Variants in SLC13A3 observed in about 807,000 individuals in gnomAD.
SLC13A3 encodes the protein Na(+)/dicarboxylate cotransporter 3.
SLC13A3 carries 40 observed loss-of-function variants against 59.0 expected under a neutral mutation model. The observed-to-expected ratio is 0.68, with a 90% CI of 0.53 to 0.88. The LOEUF is 0.88. Ranked by LOEUF, SLC13A3 falls within the 40% of genes least tolerant of loss-of-function variation. SLC13A3 has a pLI of 0.00. For synonymous variants in SLC13A3, 317 were observed against 330.3 expected (o/e 0.96, Z 0.44); for missense variants, 699 against 783.2 (o/e 0.89, Z 1.28).
At chr20:46,663,810 G>A (rs1297348279) in intron 1 of SLC13A3, among the ~76,000 whole-genome samples, 5 of 152,158 alleles carry the variant, frequency 3.3e-5, no homozygotes, top group African/African-American at 9.7e-5. Context: ...GTCCACATGC[G>A]TAACCAACCA....
rs761477917 is a variant in SLC13A3, at chr20:46,563,500, C to T, written c.1546G>A (p.Gly516Ser). 2.5e-6 allele frequency: 4 copies of T among 1,613,880 alleles called. No homozygotes were observed. The highest frequency in any genetic ancestry group is 3.4e-6 in the Non-Finnish European group (4 of 1,180,004). ...PLYLMIPGTV[G>S]CSFAFMLPVS... is the part of the protein sequence containing the mutation. ...GGGAGCATGAAGGCAAAGGAGCAGC[C>T]GACTGTGCCCGGAATCATCAGATAC... Residue 516 changes from glycine to serine, a missense_variant, in exon 12 of 13, where the codon GGC (glycine) becomes AGC (serine). Coordinates refer to ENST00000279027, the MANE Select transcript of SLC13A3 (RefSeq NM_022829.6).
At chr20:46,651,585 G>A (rs915974081), upstream of SLC13A3, 3 of 1,278,480 alleles carry the variant, frequency 2.3e-6, no homozygotes, top group East Asian at 9.5e-5. Context: ...CCTGGGACCG[G>A]GTGAAAGAGG....
At chr20:46,563,795 A>G (rs986455194) in intron 11 of SLC13A3, among the ~76,000 whole-genome samples, 2 of 152,176 alleles carry the variant, frequency 1.3e-5, no homozygotes, top group African/African-American at 4.8e-5. Flanking sequence ...AGAAACAGAG[A>G]CAAGCAGGTA....
upstream of SLC13A3, among the ~76,000 whole-genome samples, chr20:46,654,865 C>T (rs2062973223): frequency 6.6e-6 from 1 of 152,138 alleles, no homozygotes; most frequent in African/African-American, 2.4e-5. Flanking sequence ...GAGACCAGGT[C>T]TGCAGGCAAC....
chr20:46,679,940 G>T (rs909384620), intron 1 of SLC13A3, among the ~76,000 whole-genome samples: 12 of 151,912 alleles, frequency 7.9e-5, no homozygotes, highest in African/African-American at 2.9e-4. Context: ...ACTTTTGGTA[G>T]GCAATAATGC....
At chr20:46,647,768 C>G (rs550051456) in intron 1 of SLC13A3, among the ~76,000 whole-genome samples, 1 of 152,330 alleles carries the variant, frequency 6.6e-6, no homozygotes, top group Admixed American at 6.5e-5. Flanking sequence ...ACCCTCTTAA[C>G]ACACAGACTC....
intron 6 of SLC13A3, 55 bp from the exon 7 acceptor site, chr20:46,589,310 C>T (rs1263116460): frequency 1.2e-5 from 18 of 1,463,996 alleles, no homozygotes; most frequent in Admixed American, 1.7e-5. Flanking sequence ...ACTAACTTCT[C>T]ACCTACAACA....
At chr20:46,627,504 G>C (rs2062686056) in intron 1 of SLC13A3, among the ~76,000 whole-genome samples, 1 of 152,158 alleles carries the variant, frequency 6.6e-6, no homozygotes, top group Non-Finnish European at 1.5e-5. Context: ...TTGTTGTGAT[G>C]CAGGAATGTG....
At chr20:46,652,618 A>ACTC (rs2062959828), upstream of SLC13A3, among the ~76,000 whole-genome samples, 1 of 146,694 alleles carries the variant, frequency 6.8e-6, no homozygotes, top group Non-Finnish European at 1.5e-5. Context: ...CTGGTCTCGA[A>ACTC]CTCCTGGCCT....
At chr20:46,617,274 C>A (rs1480638085) in intron 1 of SLC13A3, among the ~76,000 whole-genome samples, 4 of 152,162 alleles carry the variant, frequency 2.6e-5, no homozygotes, top group Admixed American at 2.6e-4. Flanking sequence ...GGGCTGGAAG[C>A]TGGTACAAGG....
Position 46,651,456 on chromosome 20 carries a change from G to A in SLC13A3, c.-35C>T. ...CGCCTGGCGGTACGGGCCGGCCCGG[G>A]ACTGCCCCGCCTGGCCCCGGCGCCG... On this transcript the variant is annotated 5_prime_UTR_variant, in exon 1 of 13. Coordinates refer to ENST00000279027, the MANE Select transcript of SLC13A3 (RefSeq NM_022829.6). The A allele has an allele frequency of 1.4e-6, 2 of 1,401,182 alleles. No individual in the cohort carries two copies. The allele number at this position is 1,401,182 out of a possible 1,614,324, so 86.8% of individuals were successfully genotyped here.
chr20:46,566,100 G>A, intron 11 of SLC13A3, 129 bp downstream of exon 11: 1 of 726,418 alleles, frequency 1.4e-6, no homozygotes. Flanking sequence ...CTGTGGTTCT[G>A]ATACGTTCAT....
chr20:46,662,206 A>T (rs1214715312), intron 1 of SLC13A3, among the ~76,000 whole-genome samples: 1 of 152,148 alleles, frequency 6.6e-6, no homozygotes, highest in Admixed American at 6.5e-5. Context: ...TTGTGTCCTC[A>T]GCTTTCCATG....
chr20:46,606,490 G>A (rs1327385335), intron 3 of SLC13A3, among the ~76,000 whole-genome samples: 3 of 152,198 alleles, frequency 2.0e-5, no homozygotes, highest in Non-Finnish European at 2.9e-5. Context: ...AGATGTAGAT[G>A]GCAAGTTAGC....
intron 1 of SLC13A3, among the ~76,000 whole-genome samples, chr20:46,617,364 C>T (rs994200161): frequency 6.6e-6 from 1 of 152,124 alleles, no homozygotes; most frequent in Non-Finnish European, 1.5e-5. Context: ...AGTCAGGTGC[C>T]TATAGTCCCA....
At chr20:46,564,017 T>G (rs552417110) in intron 11 of SLC13A3, among the ~76,000 whole-genome samples, 11 of 152,362 alleles carry the variant, frequency 7.2e-5, no homozygotes, top group African/African-American at 2.6e-4. Context: ...TCAGCAAGTC[T>G]GGGGTGGGAT....
At chr20:46,596,878 C>T (rs1182730591) in intron 4 of SLC13A3, among the ~76,000 whole-genome samples, 1 of 151,856 alleles carries the variant, frequency 6.6e-6, no homozygotes, top group Non-Finnish European at 1.5e-5. Flanking sequence ...TAGTGAGATC[C>T]CATCTCTATA....
At chr20:46,648,606 T>C (rs1375690288) in intron 1 of SLC13A3, among the ~76,000 whole-genome samples, 1 of 152,058 alleles carries the variant, frequency 6.6e-6, no homozygotes, top group Non-Finnish European at 1.5e-5. Context: ...AAGAAGAGCA[T>C]GTAAGGCACA....
chr20:46,659,818 T>C (rs1870503429), intron 1 of SLC13A3, among the ~76,000 whole-genome samples: 1 of 151,830 alleles, frequency 6.6e-6, no homozygotes, highest in African/African-American at 2.4e-5. Context: ...TCCTTTGTAC[T>C]TTTATTGTCT....
Sources: allele counts gnomAD v4.1 joint callset (sites outside exome capture counted in the v4.1 genomes callset), GRCh38; gene constraint gnomAD v4.1.1; transcripts MANE v1.5; gene names NCBI Gene and HGNC (gene_info 2026-07-23, HGNC 2026-07-21).